The following WWOX variants were observed in gnomAD, a reference collection of about 807,000 sequenced individuals.
WWOX encodes WW domain containing oxidoreductase.
In WWOX, 69 loss-of-function variants were observed where a neutral mutation model predicts 46.2. The ratio of observed to expected loss-of-function variants is 1.49; its 90% CI spans 1.23 to 1.82. WWOX has a LOEUF of 1.82. WWOX is among the 40% of genes most tolerant of loss of function. The pLI, the probability that WWOX is intolerant of heterozygous loss-of-function variation, is 0.00. For missense variants in WWOX, 919 were observed against 542.6 expected, an observed-to-expected ratio of 1.69 and a Z score of -6.89; for synonymous variants, 359 against 202.6, an observed-to-expected ratio of 1.77 and a Z score of -6.56.
intron 8 of WWOX, among the ~76,000 whole-genome samples, chr16:78,921,506 A>T (rs1246480937): frequency 1.3e-5 from 2 of 152,218 alleles, no homozygotes; most frequent in African/African-American, 4.8e-5. Flanking sequence ...ATTTTCAAAG[A>T]CCTTTCACAG....
chr16:78,825,956 G>A, intron 8 of WWOX: 1 of 790,916 alleles, frequency 1.3e-6, no homozygotes, highest in Non-Finnish European at 2.0e-6. Context: ...AGAACAGAAG[G>A]GTGGGAAGCC....
chr16:78,405,580 A>C (rs77801131), intron 6 of WWOX, among the ~76,000 whole-genome samples: 3,267 of 152,312 alleles, frequency 0.021, 102 homozygotes, highest in African/African-American at 0.075. Flanking sequence ...GGGCAACAGA[A>C]ACAATACATA....
intron 8 of WWOX, among the ~76,000 whole-genome samples, chr16:78,656,481 T>C (rs2047083799): frequency 6.6e-6 from 1 of 152,056 alleles, no homozygotes; most frequent in South Asian, 2.1e-4. Flanking sequence ...TGGCAGAAGA[T>C]GAAAGGGAAG....
intron 5 of WWOX, among the ~76,000 whole-genome samples, chr16:78,347,592 G>C (rs1227705371): frequency 8.3e-6 from 1 of 120,452 alleles, no homozygotes; most frequent in African/African-American, 2.8e-5. Flanking sequence ...GGAGATACTT[G>C]ATAAATATTC....
chr16:78,969,470 C>T (rs1478697510), intron 8 of WWOX, among the ~76,000 whole-genome samples: 1 of 151,954 alleles, frequency 6.6e-6, no homozygotes, highest in East Asian at 1.9e-4. Context: ...AGGGTTTCAC[C>T]GTGTTGGCCA....
chr16:78,339,326 A>C lies in WWOX; in HGVS notation c.517-47534A>C, dbSNP rs551958668. Among the ~76,000 whole-genome samples, 45 of 114,462 alleles carry C rather than the reference A, an allele frequency of 3.9e-4. 6 individuals carry two copies. Among genetic ancestry groups the C allele is most frequent in the African/African-American group, 1.3e-3 (45 of 33,634 alleles). 75.1% of individuals were successfully genotyped at this position (114,462 alleles called of 152,430 possible). On this transcript the variant is annotated intron_variant, in intron 5 of 8. Transcript: ENST00000566780. ...GTGATGTACCTATCATTCAACCTCA[A>C]ACTTTCATGTGATTGTCTAAATCTC... is the stretch of plus-strand genomic sequence containing the variant.
chr16:78,458,223 T>C (rs1254650270), intron 8 of WWOX, among the ~76,000 whole-genome samples: 2 of 151,520 alleles, frequency 1.3e-5, no homozygotes, highest in African/African-American at 2.4e-5. Context: ...CCCACTTCTA[T>C]TCCCTGCCAA....
chr16:78,575,426 A>G (rs1163249888), intron 8 of WWOX, among the ~76,000 whole-genome samples: 1 of 151,824 alleles, frequency 6.6e-6, no homozygotes. Context: ...TCTTACACCT[A>G]CCCATTAGTC....
chr16:79,183,762 C>T (rs1247510947), intron 8 of WWOX, among the ~76,000 whole-genome samples: 4 of 152,194 alleles, frequency 2.6e-5, no homozygotes, highest in African/African-American at 4.8e-5. Context: ...AATGGAGGCA[C>T]AAAAAGTTAA....
At chr16:78,537,541 C>T (rs940486551) in intron 8 of WWOX, among the ~76,000 whole-genome samples, 6 of 152,124 alleles carry the variant, frequency 3.9e-5, no homozygotes, top group Non-Finnish European at 7.3e-5. Context: ...GTCTTATAAT[C>T]CGATTGGTCA....
At chr16:78,833,422 T>TGTC (rs2051887299) in intron 8 of WWOX, among the ~76,000 whole-genome samples, 1 of 150,268 alleles carries the variant, frequency 6.7e-6, no homozygotes, top group Non-Finnish European at 1.5e-5. Flanking sequence ...GGCCCAGCCA[T>TGTC]CTCCTCCTCC....
chr16:78,992,583 T>A (rs1282200727), intron 8 of WWOX, among the ~76,000 whole-genome samples: 1 of 152,198 alleles, frequency 6.6e-6, no homozygotes, highest in Non-Finnish European at 1.5e-5. Flanking sequence ...TATTTTTCTC[T>A]CTCAGAATGA....
intron 8 of WWOX, among the ~76,000 whole-genome samples, chr16:78,823,263 A>T (rs571271129): frequency 6.6e-6 from 1 of 152,338 alleles, no homozygotes; most frequent in African/African-American, 2.4e-5. Flanking sequence ...AGATGTTTGC[A>T]TTCTGCAGCT....
intron 8 of WWOX, among the ~76,000 whole-genome samples, chr16:79,092,414 G>T (rs919034102): frequency 1.3e-5 from 2 of 152,152 alleles, no homozygotes; most frequent in African/African-American, 4.8e-5. Flanking sequence ...ATATCACTTA[G>T]TTGTTCCAAC....
At chr16:78,910,617 C>G (rs938281908) in intron 8 of WWOX, among the ~76,000 whole-genome samples, 4 of 151,794 alleles carry the variant, frequency 2.6e-5, no homozygotes, top group African/African-American at 7.3e-5. Flanking sequence ...AATGGACTCA[C>G]AATTCCACAT....
intron 8 of WWOX, among the ~76,000 whole-genome samples, chr16:78,912,803 A>G (rs2045145502): frequency 6.6e-6 from 1 of 152,044 alleles, no homozygotes; most frequent in Non-Finnish European, 1.5e-5. Context: ...AGGGAGGCTG[A>G]GAGAGGAAGA....
chr16:78,660,175 T>C (rs2047178739), intron 8 of WWOX, among the ~76,000 whole-genome samples: 1 of 152,188 alleles, frequency 6.6e-6, no homozygotes, highest in East Asian at 1.9e-4. Flanking sequence ...TGCTGCTTTT[T>C]TTGTTTTTAA....
intron 7 of WWOX, among the ~76,000 whole-genome samples, chr16:78,429,788 A>G (rs559104668): frequency 6.6e-6 from 1 of 152,368 alleles, no homozygotes. Flanking sequence ...TCGATATGAT[A>G]GCTTTACTGT....
At chr16:78,571,740 T>G (rs1597285914) in intron 8 of WWOX, among the ~76,000 whole-genome samples, 1 of 152,114 alleles carries the variant, frequency 6.6e-6, no homozygotes, top group Admixed American at 6.5e-5. Flanking sequence ...TGGTGGTATG[T>G]GACTGCAATC....
Sources: allele counts gnomAD v4.1 joint callset (sites outside exome capture counted in the v4.1 genomes callset), GRCh38; gene constraint gnomAD v4.1.1; transcripts MANE v1.5; gene names NCBI Gene and HGNC (gene_info 2026-07-23, HGNC 2026-07-21).